Variants in ADPRH observed in about 807,000 individuals in gnomAD.
ADPRH encodes ADP-ribosylarginine hydrolase.
Under a neutral mutation model 28.8 loss-of-function variants are expected in ADPRH, and 27 were observed. That is an observed-to-expected ratio of 0.94 (90% CI 0.69 to 1.29). The LOEUF is 1.29. ADPRH is among the 50% of genes most tolerant of loss of function. The pLI is 0.00. For synonymous variants in ADPRH, 161 were observed against 166.9 expected, an observed-to-expected ratio of 0.96 and a Z score of 0.27; for missense variants, 419 against 444.8, an observed-to-expected ratio of 0.94 and a Z score of 0.52.
rs1334611593 is a variant in ADPRH at position 119,582,388 on chromosome 3, C to T, written c.219C>T (p.Ala73=). Residue 73 remains alanine, a synonymous_variant, in exon 3 of 5, where the codon GCC becomes GCT. Transcript: ENST00000357003. ...AAGCTCTTGTGGAAGCTGGGAAAGC[C>T]CCTAAGTTGACTCAACTGTATTACC... is the stretch of plus-strand genomic sequence containing the variant. ...TAEALVEAGK[A]PKLTQLYYLL... The T allele has an allele frequency of 1.2e-6, 2 of 1,614,012 alleles. No individual in the cohort carries two copies. The highest frequency in any genetic ancestry group is 1.1e-5 in the South Asian group (1 of 91,084).
chr3:119,584,347 G>A (rs1404470667), intron 3 of ADPRH, among the ~76,000 whole-genome samples: 2 of 152,006 alleles, frequency 1.3e-5, no homozygotes, highest in African/African-American at 4.8e-5. Context: ...CAGATCATCT[G>A]AGGTCAGGAG....
intron 3 of ADPRH, among the ~76,000 whole-genome samples, chr3:119,582,878 C>A (rs1338640679): frequency 6.6e-6 from 1 of 152,208 alleles, no homozygotes; most frequent in Non-Finnish European, 1.5e-5. Context: ...GGAGCCTGAA[C>A]CCTGTTGGGA....
In ADPRH at chr3:119,588,884, TC is replaced by T. The variant is rs2082489871; in HGVS notation, c.*1007del. On this transcript the variant is annotated 3_prime_UTR_variant, in exon 5 of 5. Coordinates refer to ENST00000357003, the MANE Select transcript of ADPRH (RefSeq NM_001125.4). ...TGCTTGGGCAGCCAATAGGCATTAA[TC>T]AGTATCTATTGAGTGTTATGAACTA... 6.6e-6 allele frequency: 1 copy of T among 152,262 alleles called. No homozygotes were observed. Among genetic ancestry groups the T allele is most frequent in the African/African-American group, 2.4e-5 (1 of 41,472 alleles). The allele number at this position is 152,262 out of a possible 1,614,324, so 9.4% of individuals were successfully genotyped here.
intron 3 of ADPRH, among the ~76,000 whole-genome samples, chr3:119,583,087 G>A (rs1274069377): frequency 6.6e-6 from 1 of 152,172 alleles, no homozygotes; most frequent in African/African-American, 2.4e-5. Context: ...ACATTAGCCA[G>A]GTGTCATGGC....
intron 3 of ADPRH, among the ~76,000 whole-genome samples, chr3:119,584,838 T>C (rs2082442940): frequency 6.6e-6 from 1 of 152,212 alleles, no homozygotes; most frequent in Admixed American, 6.5e-5. Flanking sequence ...TTCTGAGGCC[T>C]CTCTCCTTGG....
chr3:119,589,762 A>G lies in ADPRH; in HGVS notation c.*1884A>G, dbSNP rs2082498957. 6.6e-6 allele frequency: 1 copy of G among 152,072 alleles called. No individual in the cohort carries two copies. Among genetic ancestry groups the G allele is most frequent in the Non-Finnish European group, 1.5e-5 (1 of 68,004 alleles). 9.4% of individuals were successfully genotyped at this position (152,072 alleles called of 1,614,324 possible). ...AGACTTTCAGACTTCTTTTTTCTCAAACCTCAAAACTTCCACCCCAAACTT... is the reference window on the plus strand; with the variant it reads ...AGACTTTCAGACTTCTTTTTTCTCAGACCTCAAAACTTCCACCCCAAACTT... On this transcript the variant is annotated 3_prime_UTR_variant, in exon 5 of 5. Coordinates refer to ENST00000357003, the MANE Select transcript of ADPRH (RefSeq NM_001125.4).
chr3:119,587,741 T>C lies in ADPRH; in HGVS notation c.937T>C (p.Trp313Arg). 1 of 1,614,218 alleles carries C rather than the reference T, an allele frequency of 6.2e-7. No homozygotes were observed. The highest frequency in any genetic ancestry group is 8.5e-7 in the Non-Finnish European group (1 of 1,180,040). The change falls in exon 5 of 5, where the codon TGG becomes CGG. Residue 313 changes from tryptophan (W) to arginine (R), a missense_variant. Trp to Arg is a moderately radical substitution (Grantham distance 101). Transcript: ENST00000357003. ...TTCTACAGCTGCCATTGCTGGCTGCTGGTGGGGAGTTATGTATGGTTTTAA... is the reference window on the plus strand; with the variant it reads ...TTCTACAGCTGCCATTGCTGGCTGCCGGTGGGGAGTTATGTATGGTTTTAA... ...SDSTAAIAGC[W>R]WGVMYGFKGV...
At chr3:119,583,974 C>CA (rs2082433207) in intron 3 of ADPRH, among the ~76,000 whole-genome samples, 1 of 151,682 alleles carries the variant, frequency 6.6e-6, no homozygotes, top group Non-Finnish European at 1.5e-5. Context: ...GATGGGGTTT[C>CA]ACCATGTTGG....
chr3:119,583,505 A>C lies in ADPRH; in HGVS notation c.298+1038A>C, dbSNP rs564635313. Among the ~76,000 whole-genome samples, 5 of 152,332 alleles carry C rather than the reference A, an allele frequency of 3.3e-5. No homozygotes were observed. In the South Asian group the frequency reaches 6.2e-4, roughly 19 times the overall value. On this transcript the variant is annotated intron_variant, in intron 3 of 4. Coordinates refer to ENST00000357003, the MANE Select transcript of ADPRH (RefSeq NM_001125.4). Reference sequence around the variant, plus strand: ...ATATAATTGATTTGTCAATTTAAATATTAATAAAAATTTAAAATTTGCAAA... The same window carrying C: ...ATATAATTGATTTGTCAATTTAAATCTTAATAAAAATTTAAAATTTGCAAA...
Position 119,588,011 on chromosome 3 carries a change from C to A in ADPRH, c.*133C>A. The A allele has an allele frequency of 1.0e-6, 1 of 965,356 alleles. No individual in the cohort carries two copies. The highest frequency in any genetic ancestry group is 1.5e-6 in the Non-Finnish European group (1 of 681,322). 59.8% of individuals were successfully genotyped at this position (965,356 alleles called of 1,614,324 possible). ...ATTTTGAGATAACAAGTCCCTTGGG[C>A]ACCTTAAGCTCAGTTTTTTCAGGCT... is the stretch of plus-strand genomic sequence containing the variant. On this transcript the variant is annotated 3_prime_UTR_variant, in exon 5 of 5. Coordinates refer to ENST00000357003, the MANE Select transcript of ADPRH (RefSeq NM_001125.4).
intron 4 of ADPRH, 139 bp downstream of exon 4, chr3:119,586,784 T>G: frequency 8.0e-7 from 1 of 1,257,152 alleles, no homozygotes; most frequent in Non-Finnish European, 1.1e-6. Flanking sequence ...ACCCATCTGC[T>G]AAGGATTTCA....
Position 119,586,481 on chromosome 3 carries a change from C to G in ADPRH, c.495C>G (p.His165Gln). The change falls in exon 4 of 5, where the codon CAC becomes CAG. Residue 165 changes from histidine (H) to glutamine (Q), a missense_variant. Physicochemically the swap from His to Gln is conservative, Grantham distance 24. Transcript: ENST00000357003. ...SIESGRMTHHHPTGYLGALAS... is the reference protein window; with the variant it reads ...SIESGRMTHHQPTGYLGALAS... ...AGAGTGGTCGGATGACCCACCACCA[C>G]CCAACAGGCTACCTGGGGGCCCTTG... 6.2e-7 allele frequency: 1 copy of G among 1,614,246 alleles called. No homozygotes were observed. The highest frequency in any genetic ancestry group is 8.5e-7 in the Non-Finnish European group (1 of 1,180,050).
intron 3 of ADPRH, among the ~76,000 whole-genome samples, chr3:119,584,699 C>G (rs34944729): frequency 0.025 from 3,753 of 152,312 alleles, 67 homozygotes; most frequent in Non-Finnish European, 0.036. Context: ...TGACCTACCT[C>G]TCCTATTTGA....
chr3:119,585,386 GA>G (rs1193837283), intron 3 of ADPRH, among the ~76,000 whole-genome samples: 3 of 152,204 alleles, frequency 2.0e-5, no homozygotes, highest in Non-Finnish European at 4.4e-5. Flanking sequence ...TCACTGTCAC[GA>G]GGGGATAGCC....
At chr3:119,585,378 A>G (rs747702637) in intron 3 of ADPRH, among the ~76,000 whole-genome samples, 2 of 152,152 alleles carry the variant, frequency 1.3e-5, no homozygotes, top group Non-Finnish European at 2.9e-5. Context: ...TGCTTACGTC[A>G]CTGTCACGAG....
intron 3 of ADPRH, among the ~76,000 whole-genome samples, chr3:119,583,078 C>T (rs1190567036): frequency 6.6e-6 from 1 of 152,048 alleles, no homozygotes; most frequent in Non-Finnish European, 1.5e-5. Flanking sequence ...ATTTTTAAAA[C>T]ATTAGCCAGG....
At chr3:119,582,489 T>C in intron 3 of ADPRH, 22 bp downstream of exon 3, 15 of 1,600,402 alleles carry the variant, frequency 9.4e-6, no homozygotes, top group Non-Finnish European at 1.3e-5. Flanking sequence ...CGGTGGGAGG[T>C]GCAAGGAGGG....
chr3:119,586,832 T>C (rs1240365745), intron 4 of ADPRH, among the ~76,000 whole-genome samples, 187 bp downstream of exon 4: 1 of 152,236 alleles, frequency 6.6e-6, no homozygotes, highest in African/African-American at 2.4e-5. Context: ...AGTAGCCAAG[T>C]GGATACCTCA....
intron 3 of ADPRH, among the ~76,000 whole-genome samples, chr3:119,585,017 C>T (rs940335007): frequency 6.6e-6 from 1 of 152,176 alleles, no homozygotes; most frequent in Non-Finnish European, 1.5e-5. Context: ...TCTTTAAAGG[C>T]CCTATCTCCA....
Sources: gnomAD v4.1 joint callset for allele counts (sites outside exome capture counted in the v4.1 genomes callset) on GRCh38, gnomAD v4.1.1 for gene constraint, MANE v1.5 for transcripts, NCBI Gene and HGNC (gene_info 2026-07-23, HGNC 2026-07-21) for gene names.